INTU: variants seen among roughly 807,000 people sequenced by gnomAD.
INTU encodes the protein inturned planar cell polarity protein.
A neutral mutation model predicts 100.5 loss-of-function variants in INTU; 68 were observed. That is an observed-to-expected ratio of 0.68 (90% CI 0.56 to 0.83). The LOEUF is 0.83. Ranked by LOEUF, INTU falls within the 40% of genes least tolerant of loss-of-function variation. The probability of loss-of-function intolerance (pLI) is 0.00; values close to 1 mark genes in which losing one functional copy is unlikely to be tolerated. For missense variants in INTU, 1,071 were observed against 1,114.7 expected, an observed-to-expected ratio of 0.96 and a Z score of 0.56; for synonymous variants, 357 against 395.7, an observed-to-expected ratio of 0.90 and a Z score of 1.16.
Position 127,708,643 on chromosome 4 carries a change from G to C in INTU, c.2344G>C (p.Glu782Gln). 1 of 1,579,940 alleles carries C rather than the reference G, an allele frequency of 6.3e-7. No homozygotes were observed. The highest frequency in any genetic ancestry group is 2.2e-5 in the East Asian group (1 of 44,560). Reference protein sequence around the residue: ...GNLKKDLPEKELEIYNTVKLT... With the variant: ...GNLKKDLPEKQLEIYNTVKLT... ...CTTGAAAAAGGACCTTCCAGAAAAA[G>C]AATTAGAAATATATAACACAGTGAA... Residue 782 changes from glutamate (E) to glutamine (Q), a missense_variant, in exon 13 of 16, where the codon GAA (glutamate) becomes CAA (glutamine). Glu to Gln is a conservative substitution (Grantham distance 29, BLOSUM62 2). Transcript: ENST00000335251.
chr4:127,640,596 T>TATATAC lies in INTU; in HGVS notation c.147-2924_147-2923insTATACA, dbSNP rs1560825830. Among the ~76,000 whole-genome samples, 24 of 39,862 alleles carry TATATAC rather than the reference T, an allele frequency of 6.0e-4. 1 individual carries two copies. In the South Asian group the frequency reaches 6.7e-3, roughly 11 times the overall value. The allele number at this position is 39,862 out of a possible 152,430, so 26.2% of individuals were successfully genotyped here. A position where few individuals can be genotyped will look rare whatever the true frequency, so the allele number is the denominator to read the frequency against. On this transcript the variant is annotated intron_variant, in intron 1 of 15. Transcript: ENST00000335251. ...ATATATATATATATATATATACATA[T>TATATAC]ACATAAACACACATGTGTATATTGA...
chr4:127,667,954 C>T (rs529884215), intron 4 of INTU, among the ~76,000 whole-genome samples: 15 of 151,886 alleles, frequency 9.9e-5, no homozygotes, highest in African/African-American at 3.1e-4. Context: ...ATAGCGAGAC[C>T]GCAGCAAGAT....
chr4:127,687,773 C>T lies in INTU; in HGVS notation c.1355C>T (p.Ala452Val). 3.1e-6 allele frequency: 5 copies of T among 1,613,528 alleles called. No individual in the cohort carries two copies. The highest frequency in any genetic ancestry group is 4.2e-6 in the Non-Finnish European group (5 of 1,179,646). The change falls in exon 8 of 16, where the codon GCC becomes GTC. Residue 452 changes from alanine to valine, a missense_variant. Coordinates refer to ENST00000335251, the MANE Select transcript of INTU (RefSeq NM_015693.4). ...CAGCCTGCGAAACTGCATTCCAGCG[C>T]CAGTCCCAGTGCTCAGCAGTACGAT... Reference protein sequence around the residue: ...ALQPAKLHSSASPSAQQYDAS... With the variant: ...ALQPAKLHSSVSPSAQQYDAS...
rs1729901959 is a variant in INTU, at chr4:127,687,877, G to A, written c.1449+10G>A. On this transcript the variant is annotated intron_variant, in intron 8 of 15. Coordinates refer to ENST00000335251, the MANE Select transcript of INTU (RefSeq NM_015693.4). Reference sequence around the variant, plus strand: ...TCCACTGGAAATCAAGGTAATCTTAGGTATTATAAAGCAGAAGCAGAACCA... The same window carrying A: ...TCCACTGGAAATCAAGGTAATCTTAAGTATTATAAAGCAGAAGCAGAACCA... 1 of 1,551,980 alleles carries A rather than the reference G, an allele frequency of 6.4e-7. No homozygotes were observed. Among genetic ancestry groups the A allele is most frequent in the Middle Eastern group, 1.7e-4 (1 of 5,850 alleles).
chr4:127,700,141 C>A, intron 9 of INTU, 78 bp downstream of exon 9: 3 of 1,114,686 alleles, frequency 2.7e-6, no homozygotes, highest in Non-Finnish European at 4.0e-6. Context: ...AAATATTTAC[C>A]AAGTGGATAT....
rs199890216 is a variant in INTU at position 127,700,013 on chromosome 4, G to A, written c.1453G>A (p.Glu485Lys). 36 of 1,590,758 alleles carry A rather than the reference G, an allele frequency of 2.3e-5. No homozygotes were observed. The East Asian group carries it at 7.5e-4, about 33-fold the overall frequency. The change falls in exon 9 of 16, where the codon GAA becomes AAA. Residue 485 changes from glutamate to lysine, a missense_variant. Glu to Lys is a moderately conservative substitution (Grantham distance 56, BLOSUM62 1). Coordinates refer to ENST00000335251, the MANE Select transcript of INTU (RefSeq NM_015693.4). ...WLTLPLEIKM[E>K]LDMALSDLEA... Reference sequence around the variant, plus strand: ...TCTTTTTTTTTTTTTAACATAGATGGAATTAGACATGGCATTAAGTGACTT... The same window carrying A: ...TCTTTTTTTTTTTTTAACATAGATGAAATTAGACATGGCATTAAGTGACTT...
rs778337257 is a variant in INTU at position 127,711,070 on chromosome 4, C to T, written c.2527C>T (p.Arg843Cys). The T allele has an allele frequency of 1.2e-4, 195 of 1,599,798 alleles. No individual in the cohort carries two copies. Among genetic ancestry groups the T allele is most frequent in the Non-Finnish European group, 1.6e-4 (185 of 1,169,824 alleles). Reference protein sequence around the residue: ...KNFHQCCLSIRAVFQQTLVEE... With the variant: ...KNFHQCCLSICAVFQQTLVEE... The stretch of plus-strand genomic sequence containing the variant: ...TTTCCATCAGTGTTGTCTTTCCATT[C>T]GTGCAGTTTTCCAACAGACATTGGT... The change falls in exon 14 of 16, where the codon CGT becomes TGT. Residue 843 changes from arginine to cysteine, a missense_variant. Coordinates refer to ENST00000335251, the MANE Select transcript of INTU (RefSeq NM_015693.4).
chr4:127,657,052 T>G (rs1434492517), intron 3 of INTU, among the ~76,000 whole-genome samples: 1 of 152,140 alleles, frequency 6.6e-6, no homozygotes, highest in African/African-American at 2.4e-5. Context: ...TTTTAAATAG[T>G]CAGGGAGTTT....
intron 11 of INTU, 77 bp downstream of exon 11, chr4:127,705,889 A>C (rs1213686397): frequency 9.2e-7 from 1 of 1,085,108 alleles, no homozygotes; most frequent in Non-Finnish European, 1.4e-6. Context: ...GGGTTGAGGG[A>C]TGCAGCGGTA....
At chr4:127,647,918 C>A (rs1727662166) in intron 2 of INTU, among the ~76,000 whole-genome samples, 1 of 148,840 alleles carries the variant, frequency 6.7e-6, no homozygotes, top group South Asian at 2.2e-4. Context: ...ATTTTCATAG[C>A]CCTTGGTGCC....
chr4:127,678,981 C>A (rs1729374708), intron 6 of INTU, among the ~76,000 whole-genome samples: 1 of 151,750 alleles, frequency 6.6e-6, no homozygotes, highest in Non-Finnish European at 1.5e-5. Flanking sequence ...GACTTTAAAC[C>A]AACAAAGATC....
rs185224027 is a variant in INTU, at chr4:127,681,436, A to T, written c.1182-2973A>T. 2.4e-4 allele frequency among the ~76,000 whole-genome samples: 37 copies of T among 152,340 alleles called. No individual in the cohort carries two copies. In the Middle Eastern group the frequency reaches 0.024, roughly 98 times the overall value. ...ATCAATGGAACAGTACAGAGCCCTC[A>T]GAAATAATGCCTCATATCTACAACT... On this transcript the variant is annotated intron_variant, in intron 6 of 15. Transcript: ENST00000335251.
chr4:127,656,960 A>G (rs1295334056), intron 3 of INTU, among the ~76,000 whole-genome samples: 2 of 152,326 alleles, frequency 1.3e-5, no homozygotes, highest in African/African-American at 4.8e-5. Flanking sequence ...TAACAGCAAC[A>G]GTAATGAAAA....
chr4:127,673,184 T>G (rs1450823825), intron 5 of INTU, among the ~76,000 whole-genome samples: 1 of 152,124 alleles, frequency 6.6e-6, no homozygotes, highest in Non-Finnish European at 1.5e-5. Context: ...AGCTTTTTTT[T>G]GTTTTGTTTT....
rs1448417140 is a variant in INTU at position 127,719,391 on chromosome 4, T to C, written c.*2955T>C. 2.0e-5 allele frequency: 3 copies of C among 152,230 alleles called. No individual in the cohort carries two copies. Among genetic ancestry groups the C allele is most frequent in the African/African-American group, 7.2e-5 (3 of 41,460 alleles). 9.4% of individuals were successfully genotyped at this position (152,230 alleles called of 1,614,324 possible). A position where few individuals can be genotyped will look rare whatever the true frequency, so the allele number is the denominator to read the frequency against. Reference sequence around the variant, plus strand: ...CTGCTGGATTCAGTTTGCCAGTGTTTTATTGAGAATTTTTACATTGATGTT... The same window carrying C: ...CTGCTGGATTCAGTTTGCCAGTGTTCTATTGAGAATTTTTACATTGATGTT... On this transcript the variant is annotated 3_prime_UTR_variant, in exon 16 of 16. Coordinates refer to ENST00000335251, the MANE Select transcript of INTU (RefSeq NM_015693.4).
At chr4:127,648,679 A>G (rs1727695516) in intron 2 of INTU, among the ~76,000 whole-genome samples, 1 of 152,202 alleles carries the variant, frequency 6.6e-6, no homozygotes, top group Non-Finnish European at 1.5e-5. Flanking sequence ...GGATAGTCCA[A>G]AAGTGGTTTC....
intron 4 of INTU, among the ~76,000 whole-genome samples, chr4:127,664,777 C>T (rs1728621227): frequency 6.6e-6 from 1 of 151,904 alleles, no homozygotes; most frequent in South Asian, 2.1e-4. Context: ...CTTTTACACG[C>T]AGCCTGTTTC....
chr4:127,649,707 T>G (rs1311172588), intron 2 of INTU, among the ~76,000 whole-genome samples: 1 of 152,116 alleles, frequency 6.6e-6, no homozygotes, highest in Non-Finnish European at 1.5e-5. Flanking sequence ...TTATCCATCT[T>G]CCCCAAAGAA....
intron 1 of INTU, among the ~76,000 whole-genome samples, chr4:127,634,048 C>G (rs1440119778): frequency 2.0e-5 from 3 of 152,124 alleles, no homozygotes; most frequent in Non-Finnish European, 4.4e-5. Flanking sequence ...TATTTAGGAA[C>G]AACAGTTACA....
Sources: gnomAD v4.1 joint callset for allele counts (sites outside exome capture counted in the v4.1 genomes callset) on GRCh38, gnomAD v4.1.1 for gene constraint, MANE v1.5 for transcripts, NCBI Gene and HGNC (gene_info 2026-07-23, HGNC 2026-07-21) for gene names.